POU6F2: variants seen among roughly 807,000 people sequenced by gnomAD.
The protein encoded by POU6F2 is POU domain, class 6, transcription factor 2.
A neutral mutation model predicts 71.3 loss-of-function variants in POU6F2; 31 were observed. The ratio of observed to expected loss-of-function variants is 0.43; its 90% confidence interval spans 0.33 to 0.59. The LOEUF is 0.59. Ranked by LOEUF, POU6F2 falls within the 20% of genes least tolerant of loss-of-function variation. The pLI is 0.04. For synonymous variants in POU6F2, 347 were observed against 355.7 expected (o/e 0.98, Z 0.27); for missense variants, 783 against 856.8 (o/e 0.91, Z 1.07).
chr7:39,374,762 A>G (rs1214097481), intron 5 of POU6F2, among the ~76,000 whole-genome samples: 2 of 152,178 alleles, frequency 1.3e-5, no homozygotes, highest in African/African-American at 4.8e-5. Context: ...CATGCACAAA[A>G]TTGATGTCGG....
At chr7:39,330,084 T>A (rs1785608525) in intron 4 of POU6F2, among the ~76,000 whole-genome samples, 1 of 152,220 alleles carries the variant, frequency 6.6e-6, no homozygotes. Flanking sequence ...ACCCTCAGGA[T>A]TACTCCCCAG....
chr7:39,461,985 C>A (rs1005920852), intron 9 of POU6F2, among the ~76,000 whole-genome samples: 1 of 152,206 alleles, frequency 6.6e-6, no homozygotes, highest in African/African-American at 2.4e-5. Flanking sequence ...AATTTTGTTT[C>A]ATCTTGACAG....
intron 1 of POU6F2, among the ~76,000 whole-genome samples, chr7:39,007,388 G>A (rs1306079368): frequency 1.3e-5 from 2 of 152,172 alleles, no homozygotes; most frequent in African/African-American, 2.4e-5. Flanking sequence ...TATGAAGAAA[G>A]TGGGAAGAAA....
At chr7:39,309,430 A>T (rs1030699225) in intron 4 of POU6F2, among the ~76,000 whole-genome samples, 1 of 152,214 alleles carries the variant, frequency 6.6e-6, no homozygotes, top group Admixed American at 6.5e-5. Context: ...GAAATGAAGG[A>T]GTAGAGATGG....
At chr7:39,099,861 T>C (rs1351789738) in intron 2 of POU6F2, among the ~76,000 whole-genome samples, 1 of 152,184 alleles carries the variant, frequency 6.6e-6, no homozygotes, top group Non-Finnish European at 1.5e-5. Flanking sequence ...GGGGTTCTCT[T>C]GGGAGCGTGG....
chr7:39,053,747 A>G (rs887757306), intron 1 of POU6F2, among the ~76,000 whole-genome samples: 1 of 152,080 alleles, frequency 6.6e-6, no homozygotes, highest in African/African-American at 2.4e-5. Context: ...ATCGCTTTGA[A>G]GTACTAACAT....
At chr7:39,251,336 A>C (rs376916835) in intron 4 of POU6F2, among the ~76,000 whole-genome samples, 1 of 152,294 alleles carries the variant, frequency 6.6e-6, no homozygotes, top group East Asian at 1.9e-4. Context: ...ATTTCCACTT[A>C]AAACCCAAGT....
chr7:39,286,983 G>A (rs1460939538), intron 4 of POU6F2, among the ~76,000 whole-genome samples: 1 of 150,322 alleles, frequency 6.7e-6, no homozygotes. Flanking sequence ...GTTTGTAGTC[G>A]AATAAGAATG....
At chr7:38,989,824 TGTTTGTG>T (rs761285913) in intron 1 of POU6F2, among the ~76,000 whole-genome samples, 114 of 144,686 alleles carry the variant, frequency 7.9e-4, no homozygotes, top group East Asian at 1.0e-3. Flanking sequence ...TGTGTGTGTG[TGTTTGTG>T]TGTGTGTGTG....
At chr7:39,113,382 G>A (rs542201271) in intron 2 of POU6F2, among the ~76,000 whole-genome samples, 1 of 152,246 alleles carries the variant, frequency 6.6e-6, no homozygotes, top group South Asian at 2.1e-4. Flanking sequence ...CTACAGTAAT[G>A]GGACTACTAC....
chr7:39,323,257 T>G (rs1785434692), intron 4 of POU6F2, among the ~76,000 whole-genome samples: 1 of 152,194 alleles, frequency 6.6e-6, no homozygotes, highest in Non-Finnish European at 1.5e-5. Flanking sequence ...GGCAGTTCAT[T>G]CTGGCTGCCA....
At chr7:39,152,153 T>C (rs1211930344) in intron 2 of POU6F2, among the ~76,000 whole-genome samples, 1 of 152,150 alleles carries the variant, frequency 6.6e-6, no homozygotes, top group Admixed American at 6.5e-5. Context: ...AAAAGTATCA[T>C]GAAGATTCTT....
intron 1 of POU6F2, among the ~76,000 whole-genome samples, chr7:39,080,781 A>T (rs1042767909): frequency 6.6e-6 from 1 of 152,190 alleles, no homozygotes; most frequent in Non-Finnish European, 1.5e-5. Context: ...TATTTCCATC[A>T]TGTGGCTGCC....
chr7:39,107,640 A>G (rs1221197829), intron 2 of POU6F2, among the ~76,000 whole-genome samples: 3 of 152,148 alleles, frequency 2.0e-5, no homozygotes, highest in African/African-American at 7.2e-5. Flanking sequence ...CAAAATTTTC[A>G]GTAGAATGTA....
intron 1 of POU6F2, among the ~76,000 whole-genome samples, chr7:39,078,659 GT>G (rs918823207): frequency 1.3e-5 from 2 of 152,144 alleles, no homozygotes; most frequent in African/African-American, 4.8e-5. Flanking sequence ...GAGCTCACGG[GT>G]CAGCAAACTT....
At chr7:39,256,507 T>A (rs1429964766) in intron 4 of POU6F2, among the ~76,000 whole-genome samples, 2 of 152,148 alleles carry the variant, frequency 1.3e-5, no homozygotes, top group African/African-American at 4.8e-5. Flanking sequence ...TCACCAAAGA[T>A]GTCTATGTCC....
chr7:39,185,881 A>G (rs557132013), intron 2 of POU6F2, among the ~76,000 whole-genome samples: 8 of 148,596 alleles, frequency 5.4e-5, no homozygotes, highest in African/African-American at 7.4e-5. Flanking sequence ...ATGTATATGT[A>G]TATATTTATA....
intron 6 of POU6F2, among the ~76,000 whole-genome samples, chr7:39,411,475 A>G (rs1283546200): frequency 2.0e-5 from 3 of 152,140 alleles, no homozygotes; most frequent in African/African-American, 7.2e-5. Flanking sequence ...CCACTGTGAA[A>G]TTTTCTTAAG....
At chr7:39,459,452 GGTTTTGTTTT>G (rs141262587) in intron 8 of POU6F2, among the ~76,000 whole-genome samples, 39,935 of 148,874 alleles carry the variant, frequency 0.27, 5,639 homozygotes, top group East Asian at 0.56. Context: ...TGGTTTTGTG[GGTTTTGTTTT>G]GTTTTGTTTT....
Sources: gnomAD v4.1 joint callset for allele counts (sites outside exome capture counted in the v4.1 genomes callset) on GRCh38, gnomAD v4.1.1 for gene constraint, MANE v1.5 for transcripts, NCBI Gene and HGNC (gene_info 2026-07-23, HGNC 2026-07-21) for gene names.